The following RIMS2 variants were observed in gnomAD, a reference collection of about 807,000 sequenced individuals.
The protein encoded by RIMS2 is regulating synaptic membrane exocytosis 2, also known as regulating synaptic membrane exocytosis protein 2.
Under a neutral mutation model 174.4 loss-of-function variants are expected in RIMS2, and 59 were observed. The observed-to-expected ratio is 0.34, with a 90% CI of 0.27 to 0.42. The LOEUF (loss-of-function observed/expected upper bound fraction) is 0.42, where lower values mean the gene tolerates loss of function less well. RIMS2 is among the 10% of genes least tolerant of loss of function. The probability of loss-of-function intolerance (pLI) is 1.00; values close to 1 mark genes in which losing one functional copy is unlikely to be tolerated. For synonymous variants in RIMS2, 606 were observed against 572.5 expected (o/e 1.06, Z -0.84); for missense variants, 1,620 against 1,666.3 (o/e 0.97, Z 0.48).
At chr8:103,778,604 C>G (rs2098345554) in intron 3 of RIMS2, among the ~76,000 whole-genome samples, 1 of 152,022 alleles carries the variant, frequency 6.6e-6, no homozygotes, top group South Asian at 2.1e-4. Flanking sequence ...CTTTTTATGG[C>G]CAAATAATAT....
At chr8:104,240,208 A>AT (rs1325984454) in intron 19 of RIMS2, among the ~76,000 whole-genome samples, 1 of 152,222 alleles carries the variant, frequency 6.6e-6, no homozygotes, top group Non-Finnish European at 1.5e-5. Flanking sequence ...AGGTCAACTG[A>AT]TTAGTATCCT....
intron 19 of RIMS2, among the ~76,000 whole-genome samples, chr8:104,034,462 CTTT>C (rs200907072): frequency 8.4e-6 from 1 of 118,346 alleles, no homozygotes; most frequent in African/African-American, 3.0e-5. Context: ...CTTGCAGTAT[CTTT>C]TTTTTTTTTT....
chr8:103,527,292 G>A (rs1021830901), intron 1 of RIMS2, among the ~76,000 whole-genome samples: 1 of 152,156 alleles, frequency 6.6e-6, no homozygotes, highest in African/African-American at 2.4e-5. Flanking sequence ...AAGACCCCTT[G>A]CAGATACCCA....
chr8:103,550,874 C>T (rs1024779353), intron 1 of RIMS2, among the ~76,000 whole-genome samples: 2 of 145,790 alleles, frequency 1.4e-5, no homozygotes, highest in Non-Finnish European at 3.0e-5. Context: ...GGATAAATTC[C>T]TCGACACATA....
At chr8:103,915,075 A>C (rs1001651983) in intron 6 of RIMS2, among the ~76,000 whole-genome samples, 1 of 152,066 alleles carries the variant, frequency 6.6e-6, no homozygotes, top group African/African-American at 2.4e-5. Context: ...TTATCAATGA[A>C]AATTTGGTGG....
At chr8:103,712,905 T>C (rs765485075) in intron 2 of RIMS2, among the ~76,000 whole-genome samples, 32 of 152,244 alleles carry the variant, frequency 2.1e-4, no homozygotes, top group Non-Finnish European at 4.1e-4. Context: ...AAGAATTTTT[T>C]TGAAGTTAAA....
At chr8:104,235,896 T>G (rs1437305451) in intron 19 of RIMS2, among the ~76,000 whole-genome samples, 3 of 152,088 alleles carry the variant, frequency 2.0e-5, no homozygotes, top group Admixed American at 1.3e-4. Flanking sequence ...AAAAAATGTT[T>G]TTTAAAGCTT....
At chr8:103,869,725 T>TA (rs1013019599) in intron 3 of RIMS2, among the ~76,000 whole-genome samples, 8 of 152,206 alleles carry the variant, frequency 5.3e-5, no homozygotes, top group African/African-American at 1.9e-4. Context: ...AAGGGGCACT[T>TA]ATACAAGTTG....
intron 9 of RIMS2, among the ~76,000 whole-genome samples, chr8:103,920,036 T>A (rs952193698): frequency 2.6e-5 from 4 of 152,168 alleles, no homozygotes; most frequent in African/African-American, 9.6e-5. Flanking sequence ...ATTACATCTC[T>A]CAGATACTGC....
chr8:103,633,031 C>A (rs1161623695), intron 1 of RIMS2, among the ~76,000 whole-genome samples: 1 of 140,010 alleles, frequency 7.1e-6, no homozygotes, highest in Admixed American at 6.9e-5. Context: ...CCGCGCCAGG[C>A]CTTTTTTTTT....
At chr8:103,529,827 T>C (rs1836137976) in intron 1 of RIMS2, among the ~76,000 whole-genome samples, 1 of 152,250 alleles carries the variant, frequency 6.6e-6, no homozygotes. Context: ...ATGTAAATAG[T>C]TGTTATACAA....
intron 19 of RIMS2, among the ~76,000 whole-genome samples, chr8:104,225,432 T>C (rs1237509640): frequency 6.6e-6 from 1 of 152,212 alleles, no homozygotes; most frequent in East Asian, 1.9e-4. Context: ...TGCCTGAAAA[T>C]ACATATTTAA....
intron 3 of RIMS2, among the ~76,000 whole-genome samples, chr8:103,782,200 G>A (rs1357710035): frequency 6.7e-6 from 1 of 149,768 alleles, no homozygotes; most frequent in African/African-American, 2.5e-5. Flanking sequence ...GAATATATAC[G>A]TACACTATAT....
intron 14 of RIMS2, among the ~76,000 whole-genome samples, chr8:103,953,631 C>A (rs2086155693): frequency 6.6e-6 from 1 of 152,148 alleles, no homozygotes; most frequent in African/African-American, 2.4e-5. Flanking sequence ...CAACCGATAC[C>A]AGCCACTGCA....
intron 9 of RIMS2, among the ~76,000 whole-genome samples, chr8:103,919,333 A>G (rs1203105436): frequency 6.6e-6 from 1 of 152,214 alleles, no homozygotes; most frequent in African/African-American, 2.4e-5. Context: ...CAACGAGGCC[A>G]GTGTAGCTGA....
chr8:104,238,173 A>C (rs571389023), intron 19 of RIMS2, among the ~76,000 whole-genome samples: 1 of 152,200 alleles, frequency 6.6e-6, no homozygotes, highest in Non-Finnish European at 1.5e-5. Context: ...GCTGGAAGCC[A>C]TTATTCTCAG....
At chr8:104,233,950 G>T (rs375249724) in intron 19 of RIMS2, among the ~76,000 whole-genome samples, 1 of 152,262 alleles carries the variant, frequency 6.6e-6, no homozygotes, top group East Asian at 1.9e-4. Context: ...TGGGTGGGAA[G>T]GCCACCCCTT....
At chr8:103,728,334 G>T in intron 2 of RIMS2, among the ~76,000 whole-genome samples, 1 of 152,044 alleles carries the variant, frequency 6.6e-6, no homozygotes, top group East Asian at 1.9e-4. Context: ...TTTTTTGGTG[G>T]AGTCTTTAGG....
chr8:104,164,304 A>G (rs1392062299), intron 19 of RIMS2, among the ~76,000 whole-genome samples: 1 of 152,196 alleles, frequency 6.6e-6, no homozygotes, highest in African/African-American at 2.4e-5. Flanking sequence ...CACTAGTTTG[A>G]TAAAGTTCTG....
Sources: allele counts gnomAD v4.1 joint callset (sites outside exome capture counted in the v4.1 genomes callset), GRCh38; gene constraint gnomAD v4.1.1; transcripts MANE v1.5; gene names NCBI Gene and HGNC (gene_info 2026-07-23, HGNC 2026-07-21).